TEX15: variants seen among roughly 807,000 people sequenced by gnomAD.
TEX15 encodes testis-expressed protein 15.
TEX15 carries 171 observed loss-of-function variants against 237.3 expected under a neutral mutation model. That is an observed-to-expected ratio of 0.72 (90% CI 0.64 to 0.82). The LOEUF (loss-of-function observed/expected upper bound fraction) is 0.82, where lower values mean the gene tolerates loss of function less well. TEX15 is among the 40% of genes least tolerant of loss of function. The pLI is 0.00. For synonymous variants in TEX15, 1,338 were observed against 1,269.8 expected (o/e 1.05, Z -1.14); for missense variants, 3,750 against 3,646.5 (o/e 1.03, Z -0.73).
In TEX15 at chr8:30,842,895, T is replaced by C; in HGVS notation, c.7272A>G (p.Leu2424=). ...CATGGCTGTGGTTTATCACCACGTCTAAAACATTTTCTTCTGTGATAAAAA... is the reference window on the plus strand; with the variant it reads ...CATGGCTGTGGTTTATCACCACGTCCAAAACATTTTCTTCTGTGATAAAAA... The part of the protein sequence containing the change: ...DNIFITEENV[L]DVVINHSHEA... Residue 2424 remains leucine, a synonymous_variant, in exon 8 of 11, where the codon TTA becomes TTG. Transcript: ENST00000643185. 1.9e-6 allele frequency: 3 copies of C among 1,609,852 alleles called. No individual in the cohort carries two copies. The highest frequency in any genetic ancestry group is 1.7e-6 in the Non-Finnish European group (2 of 1,177,568).
In TEX15 at chr8:30,846,966, A is replaced by G. The variant is rs144299535; in HGVS notation, c.3201T>C (p.Asp1067=). The change falls in exon 8 of 11, where the codon GAT becomes GAC. Residue 1067 remains aspartate, a synonymous_variant. Coordinates refer to ENST00000643185, the MANE Select transcript of TEX15 (RefSeq NM_001350162.2). ...GTTGAAATATAAAAGCATCATCACA[A>G]TCTTCTAATTCTATTTCAATTTCAC... is the stretch of plus-strand genomic sequence containing the variant. ...LESEIEIELE[D]CDDAFIFQQD... 18 of 1,613,644 alleles carry G rather than the reference A, an allele frequency of 1.1e-5. No homozygotes were observed. The African/African-American group carries it at 2.1e-4, about 19-fold the overall frequency.
At chr8:30,906,429 CA>C (rs1304562923) in intron 1 of TEX15, among the ~76,000 whole-genome samples, 291 of 143,806 alleles carry the variant, frequency 2.0e-3, no homozygotes, top group African/African-American at 5.7e-3. Context: ...ACTAAAAATA[CA>C]AAAAAAAAAA....
rs323347 is a variant in TEX15, at chr8:30,848,708, A to G, written c.1459T>C (p.Cys487Arg). The change falls in exon 8 of 11, where the codon TGT becomes CGT. Residue 487 changes from cysteine to arginine, a missense_variant. Transcript: ENST00000643185. ...ASSSEVVPGD[C>R]AVLTNGLDTP... ...TCCAAACCATTAGTAAGAACAGCAC[A>G]ATCACCAGGGACAACTTCTGAGGAG... 0.22 allele frequency: 350,880 copies of G among 1,613,886 alleles called. 53,021 individuals are homozygous for G. The highest frequency in any genetic ancestry group is 0.77 in the African/African-American group (57,874 of 74,976).
At chr8:30,883,142 A>G (rs1239573034) in intron 3 of TEX15, among the ~76,000 whole-genome samples, 3 of 151,792 alleles carry the variant, frequency 2.0e-5, no homozygotes, top group Non-Finnish European at 2.9e-5. Context: ...ACAGGGTCTC[A>G]CTCTGTCATC....
intron 2 of TEX15, among the ~76,000 whole-genome samples, chr8:30,889,097 G>C (rs935226666): frequency 1.3e-5 from 2 of 152,140 alleles, no homozygotes; most frequent in African/African-American, 4.8e-5. Flanking sequence ...AGCACATAAA[G>C]GTAAAGAATA....
intron 5 of TEX15, among the ~76,000 whole-genome samples, chr8:30,865,988 G>A (rs1808154679): frequency 6.6e-6 from 1 of 152,056 alleles, no homozygotes; most frequent in South Asian, 2.1e-4. Context: ...AATGGGAAAG[G>A]AAGAAGTCAA....
At chr8:30,893,910 A>C (rs1808843742) in intron 2 of TEX15, among the ~76,000 whole-genome samples, 1 of 108,162 alleles carries the variant, frequency 9.2e-6, no homozygotes, top group Admixed American at 8.3e-5. Context: ...CTTAGTATAG[A>C]ACTTCTTTTA....
At position 30,847,469 on chromosome 8, in the gene TEX15, C is replaced by T; in HGVS notation, c.2698G>A (p.Asp900Asn). The change falls in exon 8 of 11, where the codon GAT (aspartate) becomes AAT (asparagine). Residue 900 changes from aspartate to asparagine, a missense_variant. Coordinates refer to ENST00000643185, the MANE Select transcript of TEX15 (RefSeq NM_001350162.2). The stretch of plus-strand genomic sequence containing the variant: ...TGGTAATTTTTGTCCTCCTTTTCAT[C>T]TATATTGCTGAAATTTTCGTTTGTA... ...SHTNENFSNI[D>N]EKEDKNYHNI... The T allele has an allele frequency of 6.2e-7, 1 of 1,612,506 alleles. No homozygotes were observed. Among genetic ancestry groups the T allele is most frequent in the Non-Finnish European group, 8.5e-7 (1 of 1,179,646 alleles).
rs748888998 is a variant in TEX15 at position 30,848,587 on chromosome 8, G to T, written c.1580C>A (p.Thr527Asn). The change falls in exon 8 of 11, where the codon ACC becomes AAC. Residue 527 changes from threonine to asparagine, a missense_variant. Transcript: ENST00000643185. ...TTGGTCCTTACATTGCCCTGCCATG[G>T]TAACTTTATTGGGAGGTATACAGTC... ...DYDCIPPNKV[T>N]MAGQCKDQGN... The T allele has an allele frequency of 1.9e-6, 3 of 1,614,084 alleles. No individual in the cohort carries two copies. Among genetic ancestry groups the T allele is most frequent in the Admixed American group, 1.7e-5 (1 of 60,002 alleles).
chr8:30,910,853 A>C (rs1016290555), intron 1 of TEX15, among the ~76,000 whole-genome samples: 1 of 152,140 alleles, frequency 6.6e-6, no homozygotes, highest in Non-Finnish European at 1.5e-5. Context: ...ATTTTAAAAT[A>C]TCTTTGCAAT....
chr8:30,911,596 A>G (rs1322816314), intron 1 of TEX15, among the ~76,000 whole-genome samples: 1 of 152,154 alleles, frequency 6.6e-6, no homozygotes, highest in Non-Finnish European at 1.5e-5. Context: ...CCCAAAAGCA[A>G]TCAGTGCACT....
rs753315680 is a variant in TEX15, at chr8:30,845,999, CTTT to C, written c.4165_4167del (p.Lys1389del). On this transcript the variant is annotated inframe_deletion, in exon 8 of 11. Coordinates refer to ENST00000643185, the MANE Select transcript of TEX15 (RefSeq NM_001350162.2). ...AAAGATGTGTGAACTCTTCTATGAG[CTTT>C]TTTTAAGTGAACAACTGCTTTGTCT... 1.2e-6 allele frequency: 2 copies of C among 1,612,864 alleles called. No homozygotes were observed. Among genetic ancestry groups the C allele is most frequent in the Non-Finnish European group, 1.7e-6 (2 of 1,179,492 alleles).
chr8:30,911,725 A>T (rs1433774788), intron 1 of TEX15, among the ~76,000 whole-genome samples: 1 of 152,106 alleles, frequency 6.6e-6, no homozygotes, highest in Non-Finnish European at 1.5e-5. Context: ...ACTTTCTCGA[A>T]CATCATCCCT....
At position 30,852,510 on chromosome 8, in the gene TEX15, A is replaced by C. The variant is rs1269561932; in HGVS notation, c.851-3194T>G. On this transcript the variant is annotated intron_variant, in intron 7 of 10. Transcript: ENST00000643185. ...AGAATCTTAATCTCTATATTATGCT[A>C]TCTCTTTAAACTTGATAATGGCATT... Among the ~76,000 whole-genome samples the C allele has an allele frequency of 3.3e-5, 5 of 152,214 alleles. No individual in the cohort carries two copies. The East Asian group carries it at 9.6e-4, about 29-fold the overall frequency.
intron 2 of TEX15, among the ~76,000 whole-genome samples, chr8:30,897,385 T>G (rs2128778299): frequency 6.6e-6 from 1 of 152,336 alleles, no homozygotes; most frequent in Non-Finnish European, 1.5e-5. Flanking sequence ...GCCTTAAAAA[T>G]TGGATAGCCT....
chr8:30,843,491 G>A lies in TEX15; in HGVS notation c.6676C>T (p.Pro2226Ser). The A allele has an allele frequency of 6.2e-7, 1 of 1,612,914 alleles. No homozygotes were observed. Among genetic ancestry groups the A allele is most frequent in the South Asian group, 1.1e-5 (1 of 90,938 alleles). ...LKLINVCGDSPKVHSYPGKQD... is the reference protein window; with the variant it reads ...LKLINVCGDSSKVHSYPGKQD... ...TTTCCTGGATACGAATGAACTTTAG[G>A]AGAGTCCCCACATACATTGATCAAC... The change falls in exon 8 of 11, where the codon CCT (proline) becomes TCT (serine). Residue 2226 changes from proline to serine, a missense_variant. By Grantham distance (74) the Pro-to-Ser change is moderately conservative. Transcript: ENST00000643185.
At chr8:30,897,366 C>A (rs991652623) in intron 2 of TEX15, among the ~76,000 whole-genome samples, 2 of 152,218 alleles carry the variant, frequency 1.3e-5, no homozygotes, top group East Asian at 3.8e-4. Context: ...ACACTGTATG[C>A]AAGCCGATGC....
chr8:30,855,565 T>C (rs1405338063), intron 7 of TEX15, among the ~76,000 whole-genome samples: 2 of 152,196 alleles, frequency 1.3e-5, no homozygotes, highest in East Asian at 1.9e-4. Flanking sequence ...AGAGTCTTCA[T>C]ATAACCCAGC....
In TEX15 at chr8:30,842,250, G is replaced by C. The variant is rs764627016; in HGVS notation, c.7917C>G (p.Cys2639Trp). The change falls in exon 8 of 11, where the codon TGC becomes TGG. Residue 2639 changes from cysteine (C) to tryptophan (W), a missense_variant. Transcript: ENST00000643185. ...NAELTISFFL[C>W]QMLYNRRKIL... Reference sequence around the variant, plus strand: ...TCTTCCTTCTGTTATACAGCATTTGGCATAGGAAAAAGGAAATGGTTAGTT... The same window carrying C: ...TCTTCCTTCTGTTATACAGCATTTGCCATAGGAAAAAGGAAATGGTTAGTT... 6.2e-7 allele frequency: 1 copy of C among 1,613,244 alleles called. No homozygotes were observed. The highest frequency in any genetic ancestry group is 1.7e-5 in the Admixed American group (1 of 59,960).
Sources: allele counts gnomAD v4.1 joint callset (sites outside exome capture counted in the v4.1 genomes callset), GRCh38; gene constraint gnomAD v4.1.1; transcripts MANE v1.5; gene names NCBI Gene and HGNC (gene_info 2026-07-23, HGNC 2026-07-21).